Variants in EPG5 observed in about 807,000 individuals in gnomAD.
EPG5 encodes ectopic P granules protein 5 homolog.
Under a neutral mutation model 302.7 loss-of-function variants are expected in EPG5, and 159 were observed. That is an observed-to-expected ratio of 0.53 (90% CI 0.46 to 0.60). The LOEUF (loss-of-function observed/expected upper bound fraction) is 0.60. EPG5 is among the 20% of genes least tolerant of loss of function. The probability of loss-of-function intolerance (pLI) is 0.00; values close to 1 mark genes in which losing one functional copy is unlikely to be tolerated. For missense variants in EPG5, 2,896 were observed against 3,092.4 expected, an observed-to-expected ratio of 0.94 and a Z score of 1.51; for synonymous variants, 1,158 against 1,136.8, an observed-to-expected ratio of 1.02 and a Z score of -0.37.
At chr18:45,825,631 C>T in the EPG5 span, 2 of 1,368,954 alleles carry the variant, frequency 1.5e-6, no homozygotes, top group South Asian at 1.2e-5. Context: ...GCCCTGCCCA[C>T]CCCCGCCCGC....
At chr18:45,811,334 C>G in the EPG5 span, among the ~76,000 whole-genome samples, 1 of 152,176 alleles carries the variant, frequency 6.6e-6, no homozygotes, top group African/African-American at 2.4e-5. Flanking sequence ...ACCAGAGGTA[C>G]AAGGAGGAGG....
At chr18:45,876,139 T>C (rs2048967449) in intron 35 of EPG5, 97 bp downstream of exon 35, 5 of 763,320 alleles carry the variant, frequency 6.6e-6, no homozygotes, top group Non-Finnish European at 1.1e-5. Context: ...AATAACTGCC[T>C]ATTAAATAAA....
At chr18:45,801,061 G>T in the EPG5 span, among the ~76,000 whole-genome samples, 3 of 152,170 alleles carry the variant, frequency 2.0e-5, no homozygotes, top group South Asian at 6.2e-4. Flanking sequence ...TTTTGAGATG[G>T]AGTCTCGCTT....
chr18:45,873,820 T>A lies in EPG5; in HGVS notation c.6049+2416A>T, dbSNP rs928076115. 2.0e-5 allele frequency among the ~76,000 whole-genome samples: 3 copies of A among 151,876 alleles called. No individual in the cohort carries two copies. In the South Asian group the frequency reaches 6.2e-4, roughly 31 times the overall value. Reference sequence around the variant, plus strand: ...TAAGATAAGATATATAAAAGATAAATCAGAAATACAAATAAGGTACAGCCA... The same window carrying A: ...TAAGATAAGATATATAAAAGATAAAACAGAAATACAAATAAGGTACAGCCA... On this transcript the variant is annotated intron_variant, in intron 35 of 43. Coordinates refer to ENST00000282041, the MANE Select transcript of EPG5 (RefSeq NM_020964.3).
chr18:45,814,611 A>C, the EPG5 span, among the ~76,000 whole-genome samples: 1 of 152,382 alleles, frequency 6.6e-6, no homozygotes, highest in South Asian at 2.1e-4. Flanking sequence ...AGAAAAGTGC[A>C]TGATATCTGT....
intron 24 of EPG5, among the ~76,000 whole-genome samples, chr18:45,904,349 T>A (rs535363727): frequency 2.4e-4 from 37 of 152,246 alleles, no homozygotes; most frequent in Non-Finnish European, 4.4e-4. Flanking sequence ...AACAGCCCTA[T>A]ATGTATATTT....
chr18:45,949,328 A>G (rs1372468099), intron 5 of EPG5, among the ~76,000 whole-genome samples, 156 bp downstream of exon 5: 1 of 152,204 alleles, frequency 6.6e-6, no homozygotes. Context: ...TCAGTCTAAG[A>G]ACTTTTATAA....
chr18:45,911,181 G>T (rs1424791545), intron 22 of EPG5, among the ~76,000 whole-genome samples: 1 of 150,792 alleles, frequency 6.6e-6, no homozygotes, highest in Non-Finnish European at 1.5e-5. Context: ...GAGTGCAGTG[G>T]CATAATCACT....
chr18:45,834,680 T>C, the EPG5 span, among the ~76,000 whole-genome samples: 1 of 152,240 alleles, frequency 6.6e-6, no homozygotes, highest in Non-Finnish European at 1.5e-5. Flanking sequence ...TGATAAGATA[T>C]CCTGTCCACC....
chr18:45,808,267 G>C, the EPG5 span, among the ~76,000 whole-genome samples: 1 of 152,202 alleles, frequency 6.6e-6, no homozygotes. Flanking sequence ...CAGTGTTCCT[G>C]AGGAAGAACA....
intron 43 of EPG5, 45 bp from the exon 44 acceptor site, chr18:45,852,694 T>C (rs769068309): frequency 3.9e-6 from 6 of 1,532,518 alleles, no homozygotes; most frequent in Non-Finnish European, 5.4e-6. Context: ...TAGAGGCACA[T>C]AATGTGACTG....
At chr18:45,954,326 C>G in intron 2 of EPG5, 68 bp downstream of exon 2, 1 of 1,434,994 alleles carries the variant, frequency 7.0e-7, no homozygotes, top group Non-Finnish European at 9.5e-7. Context: ...GGCACAGACT[C>G]CAGACCTGGA....
intron 16 of EPG5, among the ~76,000 whole-genome samples, chr18:45,918,310 C>T (rs1179795979): frequency 1.3e-5 from 2 of 152,148 alleles, no homozygotes; most frequent in African/African-American, 2.4e-5. Context: ...TTGGAACACT[C>T]GTATCATACT....
chr18:45,876,454 G>A (rs1054521520), intron 34 of EPG5, 112 bp from the exon 35 acceptor site: 28 of 743,522 alleles, frequency 3.8e-5, no homozygotes, highest in Non-Finnish European at 6.6e-5. Context: ...ATGTAGGCCT[G>A]ACACACATTT....
chr18:45,845,897 A>G (rs150063112), downstream of EPG5, among the ~76,000 whole-genome samples: 43 of 152,290 alleles, frequency 2.8e-4, no homozygotes, highest in East Asian at 7.5e-3. Flanking sequence ...TGAAATTTAA[A>G]ACTAGATGTA....
At chr18:45,877,263 T>C (rs1157768838) in intron 34 of EPG5, among the ~76,000 whole-genome samples, 3 of 130,870 alleles carry the variant, frequency 2.3e-5, no homozygotes, top group African/African-American at 8.6e-5. Flanking sequence ...AAAATTAAAA[T>C]TGAAAAATAG....
chr18:45,910,762 G>C lies in EPG5; in HGVS notation c.3984-20C>G, dbSNP rs143737072. 698 of 1,585,988 alleles carry C rather than the reference G, an allele frequency of 4.4e-4. 7 individuals carry two copies. The East Asian group carries it at 0.014, about 31-fold the overall frequency. On this transcript the variant is annotated intron_variant, in intron 22 of 43. Coordinates refer to ENST00000282041, the MANE Select transcript of EPG5 (RefSeq NM_020964.3). The stretch of plus-strand genomic sequence containing the variant: ...GGTAACCTTAAAAAACACAAGCACA[G>C]ATCTATAACCTTTCAACACAAGATG...
rs545381666 is a variant in EPG5 at position 45,874,330 on chromosome 18, TA to T, written c.6049+1905del. 6.7e-5 allele frequency among the ~76,000 whole-genome samples: 10 copies of T among 149,590 alleles called. No homozygotes were observed. In the East Asian group the frequency reaches 2.0e-3, roughly 29 times the overall value. On this transcript the variant is annotated intron_variant, in intron 35 of 43. Coordinates refer to ENST00000282041, the MANE Select transcript of EPG5 (RefSeq NM_020964.3). ...GTAAACCTAAAACTGCTCTAAAAAA[TA>T]AAGTCCGTTAAACAAAAAATAAAAT...
At chr18:45,913,060 CA>C (rs367940497) in intron 21 of EPG5, among the ~76,000 whole-genome samples, 1 of 149,928 alleles carries the variant, frequency 6.7e-6, no homozygotes, top group African/African-American at 2.5e-5. Context: ...TGTAAAATTC[CA>C]GCCCGGGCGA....
Sources: allele counts gnomAD v4.1 joint callset (sites outside exome capture counted in the v4.1 genomes callset), GRCh38; gene constraint gnomAD v4.1.1; transcripts MANE v1.5; gene names NCBI Gene and HGNC (gene_info 2026-07-23, HGNC 2026-07-21).